Variants in SF1 observed in about 807,000 individuals in gnomAD.
SF1 encodes splicing factor 1, also known as branch point-binding protein.
SF1 carries 7 observed loss-of-function variants against 62.5 expected under a neutral mutation model. The ratio of observed to expected loss-of-function variants is 0.11; its 90% CI spans 0.06 to 0.21. The LOEUF is 0.21. SF1 is among the 10% of genes least tolerant of loss of function. The pLI is 1.00. For synonymous variants in SF1, 394 were observed against 323.6 expected (o/e 1.22, Z -2.33); for missense variants, 578 against 884.0 (o/e 0.65, Z 4.39).
chr11:64,777,828 G>C (rs1341988583), intron 1 of SF1: 1 of 949,722 alleles, frequency 1.1e-6, no homozygotes, highest in Admixed American at 6.7e-5. Flanking sequence ...CGAGGCCCTA[G>C]AACCAGGCCG....
chr11:64,773,361 G>A lies in SF1; in HGVS notation c.236+69C>T, dbSNP rs1475568405. On this transcript the variant is annotated intron_variant, in intron 3 of 12. Coordinates refer to ENST00000377390, the MANE Select transcript of SF1 (RefSeq NM_004630.4). ...TTTTATTGAACTGACACAATATGTT[G>A]CCACCAGTAAAACGTATTGAGAAAA... The A allele has an allele frequency of 2.5e-6, 4 of 1,575,278 alleles. No homozygotes were observed. In the African/African-American group the frequency reaches 4.1e-5, roughly 16 times the overall value.
At chr11:64,775,685 G>A (rs1205700783) in intron 2 of SF1, among the ~76,000 whole-genome samples, 2 of 152,152 alleles carry the variant, frequency 1.3e-5, no homozygotes, top group Admixed American at 1.3e-4. Flanking sequence ...TGTTTATAAA[G>A]TGAACTTTTT....
rs1026017703 is a variant in SF1, at chr11:64,778,471, G to C, written c.-79C>G. On this transcript the variant is annotated 5_prime_UTR_variant, in exon 1 of 13. Coordinates refer to ENST00000377390, the MANE Select transcript of SF1 (RefSeq NM_004630.4). ...CTTCGCAAGCCTCCCGGGGGGAGGG[G>C]ACCCGAATGCGCTGCCGGAGCGCGC... The C allele has an allele frequency of 1.1e-5, 13 of 1,206,452 alleles. No homozygotes were observed. In the East Asian group the frequency reaches 1.3e-4, roughly 12 times the overall value. 74.7% of individuals were successfully genotyped at this position (1,206,452 alleles called of 1,614,324 possible). A position where few individuals can be genotyped will look rare whatever the true frequency, so the allele number is the denominator to read the frequency against.
At chr11:64,774,961 CAAAAA>C (rs201621861) in intron 2 of SF1, among the ~76,000 whole-genome samples, 1 of 99,040 alleles carries the variant, frequency 1.0e-5, no homozygotes, top group African/African-American at 3.7e-5. Flanking sequence ...CTCAGTCTCT[CAAAAA>C]AAAAAAAAAA....
At chr11:64,766,872 C>A (rs1592448596) in intron 12 of SF1, 28 bp downstream of exon 12, 1 of 1,313,414 alleles carries the variant, frequency 7.6e-7, no homozygotes. Context: ...TCCCACCCAC[C>A]CCCACAAGCC....
chr11:64,767,150 C>G (rs1397188222), intron 11 of SF1, 42 bp downstream of exon 11: 2 of 1,613,630 alleles, frequency 1.2e-6, no homozygotes, highest in Non-Finnish European at 1.7e-6. Flanking sequence ...CCCCACTCAC[C>G]CAAGCCTAGG....
Position 64,767,622 on chromosome 11 carries a change from G to C in SF1, c.1291C>G (p.Pro431Ala), listed in dbSNP as rs1174665177. The change falls in exon 10 of 13, where the codon CCG becomes GCG. Residue 431 changes from proline (P) to alanine (A), a missense_variant. Coordinates refer to ENST00000377390, the MANE Select transcript of SF1 (RefSeq NM_004630.4). ...GGAGGGTGGGGGCCCTGGTTCATCG[G>C]TGGTGGTGGTGGCTGCATCCAAGGG... ...PPPWMQPPPPPMNQGPHPPGH... is the reference protein window; with the variant it reads ...PPPWMQPPPPAMNQGPHPPGH... 2 of 1,585,336 alleles carry C rather than the reference G, an allele frequency of 1.3e-6. No individual in the cohort carries two copies. Among genetic ancestry groups the C allele is most frequent in the Non-Finnish European group, 1.7e-6 (2 of 1,166,322 alleles).
chr11:64,765,596 G>A lies in SF1; in HGVS notation c.*222C>T, dbSNP rs772674153. 835 of 1,516,494 alleles carry A rather than the reference G, an allele frequency of 5.5e-4. No individual in the cohort carries two copies. Among genetic ancestry groups the A allele is most frequent in the Non-Finnish European group, 6.6e-4 (753 of 1,139,878 alleles). The allele number at this position is 1,516,494 out of a possible 1,614,324, so 93.9% of individuals were successfully genotyped here. A position where few individuals can be genotyped will look rare whatever the true frequency, so the allele number is the denominator to read the frequency against. On this transcript the variant is annotated 3_prime_UTR_variant, in exon 13 of 13. Coordinates refer to ENST00000377390, the MANE Select transcript of SF1 (RefSeq NM_004630.4). ...AGACAAAGAAGACACTCGATGCTAC[G>A]GGGCGCCAGGAGAGCCCAAGCTGGC...
At position 64,765,913 on chromosome 11, in the gene SF1, G is replaced by A. The variant is rs2058621507; in HGVS notation, c.1825C>T (p.Pro609Ser). The A allele has an allele frequency of 1.9e-6, 3 of 1,567,108 alleles. No individual in the cohort carries two copies. Among genetic ancestry groups the A allele is most frequent in the East Asian group, 4.7e-5 (2 of 42,380 alleles). The change falls in exon 13 of 13, where the codon CCT (proline) becomes TCT (serine). Residue 609 changes from proline to serine, a missense_variant. Around this residue, in one of 7 missense-constraint regions of SF1, gnomAD observed 410 missense variants for 452.4 expected, o/e 0.91. Coordinates refer to ENST00000377390, the MANE Select transcript of SF1 (RefSeq NM_004630.4). The stretch of plus-strand genomic sequence containing the variant: ...CCCATCATGGTGACAAAGTTAGAAG[G>A]GTCCATGGGAGGCGGAGGAGGAGGG... ...PPPPPPPPMD[P>S]SNFVTMMGMG...
In SF1 at chr11:64,765,858, C is replaced by G; in HGVS notation, c.1880G>C (p.Gly627Ala). The G allele has an allele frequency of 1.3e-6, 2 of 1,559,516 alleles. No homozygotes were observed. Among genetic ancestry groups the G allele is most frequent in the Non-Finnish European group, 1.7e-6 (2 of 1,152,312 alleles). ...AGGCGGTGGGGGAGCTGGAGGCATC[C>G]CGAAGGGCGGCATGCCCGCCACCCC... ...GMGVAGMPPF[G>A]MPPAPPPPPP... Residue 627 changes from glycine (G) to alanine (A), a missense_variant, in exon 13 of 13, where the codon GGG (glycine) becomes GCG (alanine). Around this residue, in one of 7 missense-constraint regions of SF1, gnomAD observed 410 missense variants for 452.4 expected, o/e 0.91. Coordinates refer to ENST00000377390, the MANE Select transcript of SF1 (RefSeq NM_004630.4).
Position 64,767,007 on chromosome 11 carries a change from G to T in SF1, c.1475C>A (p.Pro492His). 6.5e-7 allele frequency: 1 copy of T among 1,533,042 alleles called. No homozygotes were observed. The highest frequency in any genetic ancestry group is 8.8e-7 in the Non-Finnish European group (1 of 1,140,112). The allele number at this position is 1,533,042 out of a possible 1,614,324, so 95.0% of individuals were successfully genotyped here. A position where few individuals can be genotyped will look rare whatever the true frequency, so the allele number is the denominator to read the frequency against. ...PPPPSGQPPPPPSGPLPPWQQ... is the reference protein window; with the variant it reads ...PPPPSGQPPPHPSGPLPPWQQ... The stretch of plus-strand genomic sequence containing the variant: ...CCATGGGGGAAGAGGACCAGAGGGA[G>T]GGGGTGGGGGCTGCCCACTGGGAGG... Residue 492 changes from proline to histidine, a missense_variant, in exon 12 of 13, where the codon CCT becomes CAT. This residue lies in a region of SF1 where 410 missense variants were observed against 452.4 expected (regional missense o/e 0.91). Transcript: ENST00000377390.
intron 1 of SF1, 105 bp from the exon 2 acceptor site, chr11:64,776,731 T>C: frequency 1.8e-6 from 2 of 1,119,062 alleles, no homozygotes; most frequent in Non-Finnish European, 2.6e-6. Flanking sequence ...ACTGTGAAGC[T>C]GAGAGCTTAA....
In SF1 at chr11:64,765,293, G is replaced by A. The variant is rs1372947075; in HGVS notation, c.*525C>T. ...TCTCCTTGGACGGAGTCTGAAGAAAGGAAAAGATAAAGAAGTAACAAAGGA... is the reference window on the plus strand; with the variant it reads ...TCTCCTTGGACGGAGTCTGAAGAAAAGAAAAGATAAAGAAGTAACAAAGGA... On this transcript the variant is annotated 3_prime_UTR_variant, in exon 13 of 13. Transcript: ENST00000377390. 1.6e-6 allele frequency: 1 copy of A among 621,764 alleles called. No individual in the cohort carries two copies. The allele number at this position is 621,764 out of a possible 1,614,324, so 38.5% of individuals were successfully genotyped here.
Position 64,771,344 on chromosome 11 carries a change from A to T in SF1, c.237-936T>A, listed in dbSNP as rs1385127709. ...ACTCCTAGAATTTTGAGTTAAGATT[A>T]CAAAAAGGACCATAGCTTGATATTC... On this transcript the variant is annotated intron_variant, in intron 3 of 12. Coordinates refer to ENST00000377390, the MANE Select transcript of SF1 (RefSeq NM_004630.4). 6.5e-6 allele frequency: 4 copies of T among 611,532 alleles called. No individual in the cohort carries two copies. The East Asian group carries it at 5.6e-4, about 85-fold the overall frequency. The allele number at this position is 611,532 out of a possible 1,614,324, so 37.9% of individuals were successfully genotyped here.
In SF1 at chr11:64,765,373, C is replaced by A. The variant is rs768319569; in HGVS notation, c.*445G>T. 1 of 1,012,792 alleles carries A rather than the reference C, an allele frequency of 9.9e-7. No individual in the cohort carries two copies. 62.7% of individuals were successfully genotyped at this position (1,012,792 alleles called of 1,614,324 possible). ...ATATGGAGCCAGCGTGTTCCGATTC[C>A]GTCCACAAAAATAACTCAGGCTGCT... On this transcript the variant is annotated 3_prime_UTR_variant, in exon 13 of 13. Coordinates refer to ENST00000377390, the MANE Select transcript of SF1 (RefSeq NM_004630.4).
chr11:64,777,201 G>A (rs891051564), intron 1 of SF1, among the ~76,000 whole-genome samples: 1 of 152,162 alleles, frequency 6.6e-6, no homozygotes, highest in Admixed American at 6.5e-5. Flanking sequence ...GTTGGACACT[G>A]AGGGTCTGAA....
chr11:64,778,122 A>T, intron 1 of SF1: 1 of 788,330 alleles, frequency 1.3e-6, no homozygotes, highest in Non-Finnish European at 1.6e-6. Context: ...GCGCCGGGGG[A>T]CGGTGGCGGT....
At chr11:64,777,423 A>G in intron 1 of SF1, 1 of 884,794 alleles carries the variant, frequency 1.1e-6, no homozygotes, top group Non-Finnish European at 1.4e-6. Flanking sequence ...GATTTAAAAA[A>G]AAAAACAAAC....
intron 1 of SF1, among the ~76,000 whole-genome samples, chr11:64,776,891 T>G (rs1269143882): frequency 6.6e-6 from 1 of 152,180 alleles, no homozygotes. Context: ...TATATAAACG[T>G]GGTAATCTTA....
Sources: gnomAD v4.1 joint callset for allele counts (sites outside exome capture counted in the v4.1 genomes callset) on GRCh38, gnomAD v4.1.1 for gene constraint, gnomAD v4.1.1 regional missense constraint, MANE v1.5 for transcripts, NCBI Gene and HGNC (gene_info 2026-07-23, HGNC 2026-07-21) for gene names.